The following SUPT3H variants were observed in gnomAD, a reference collection of about 807,000 sequenced individuals.
The protein encoded by SUPT3H is transcription initiation protein SPT3 homolog.
Under a neutral mutation model 44.3 loss-of-function variants are expected in SUPT3H, and 44 were observed. That is an observed-to-expected ratio of 0.99 (90% CI 0.78 to 1.28). The LOEUF is 1.28. Ranked by LOEUF, SUPT3H falls within the 50% of genes most tolerant of loss-of-function variation. The probability of loss-of-function intolerance (pLI) is 0.00; values close to 1 mark genes in which losing one functional copy is unlikely to be tolerated. For missense variants in SUPT3H, 380 were observed against 387.1 expected (o/e 0.98, Z 0.15); for synonymous variants, 124 against 125.6 (o/e 0.99, Z 0.09).
At chr6:44,885,974 A>G (rs1396185678) in intron 10 of SUPT3H, among the ~76,000 whole-genome samples, 2 of 152,254 alleles carry the variant, frequency 1.3e-5, no homozygotes, top group African/African-American at 4.8e-5. Flanking sequence ...AAAATGCACA[A>G]GCCTCAGGAG....
chr6:44,833,793 T>A (rs533036652), intron 10 of SUPT3H, among the ~76,000 whole-genome samples: 1 of 152,144 alleles, frequency 6.6e-6, no homozygotes, highest in Non-Finnish European at 1.5e-5. Flanking sequence ...CCTGCCCCAA[T>A]TCCACCCAGA....
chr6:45,101,280 C>G (rs186817225), intron 3 of SUPT3H, among the ~76,000 whole-genome samples: 139 of 152,316 alleles, frequency 9.1e-4, no homozygotes, highest in Non-Finnish European at 1.7e-3. Flanking sequence ...ACAAAATTAG[C>G]TGGTCATGGT....
At chr6:45,082,451 G>A (rs540152853) in intron 3 of SUPT3H, among the ~76,000 whole-genome samples, 33 of 152,014 alleles carry the variant, frequency 2.2e-4, no homozygotes, top group South Asian at 1.9e-3. Flanking sequence ...AACTGACCAC[G>A]ATCAATTAGG....
At chr6:45,247,160 G>T (rs759182069) in intron 2 of SUPT3H, among the ~76,000 whole-genome samples, 4 of 152,174 alleles carry the variant, frequency 2.6e-5, no homozygotes, top group Non-Finnish European at 5.9e-5. Context: ...CGAATTAAAA[G>T]AAATTGATGA....
intron 9 of SUPT3H, among the ~76,000 whole-genome samples, chr6:44,937,505 C>A (rs913602553): frequency 6.7e-6 from 1 of 149,742 alleles, no homozygotes; most frequent in Non-Finnish European, 1.5e-5. Context: ...AAAAAAAAAA[C>A]CGTACTGTTT....
chr6:44,864,493 A>G lies in SUPT3H; in HGVS notation c.913-34636T>C, dbSNP rs1269756526. Among the ~76,000 whole-genome samples the G allele has an allele frequency of 2.6e-5, 4 of 152,198 alleles. No homozygotes were observed. The East Asian group carries it at 7.7e-4, about 29-fold the overall frequency. On this transcript the variant is annotated intron_variant, in intron 10 of 10. Transcript: ENST00000371459. ...CCATGAGAGCCCCACCCCTGCAGCA[A>G]ACTTTTGCCTGGACATCCAGGTATT...
At chr6:45,063,819 A>T (rs1792686601) in intron 3 of SUPT3H, among the ~76,000 whole-genome samples, 1 of 142,930 alleles carries the variant, frequency 7.0e-6, no homozygotes, top group Non-Finnish European at 1.5e-5. Context: ...TGAAAAGACC[A>T]AATCTACGTC....
chr6:45,057,557 T>A (rs554012801), intron 3 of SUPT3H, among the ~76,000 whole-genome samples: 3 of 152,170 alleles, frequency 2.0e-5, no homozygotes, highest in Admixed American at 6.5e-5. Flanking sequence ...TAAACTAAGC[T>A]TTAGGCTTCT....
At chr6:45,051,369 T>C (rs1403089615) in intron 3 of SUPT3H, among the ~76,000 whole-genome samples, 1 of 152,052 alleles carries the variant, frequency 6.6e-6, no homozygotes. Flanking sequence ...AGCACAGCTA[T>C]AAGCTGAGAA....
intron 9 of SUPT3H, among the ~76,000 whole-genome samples, chr6:44,938,155 T>G (rs938807927): frequency 6.6e-6 from 1 of 151,960 alleles, no homozygotes; most frequent in Non-Finnish European, 1.5e-5. Flanking sequence ...CCTAGACCAA[T>G]GTCCAGAAGA....
chr6:44,901,028 C>T (rs1764937953), intron 10 of SUPT3H, among the ~76,000 whole-genome samples: 1 of 152,074 alleles, frequency 6.6e-6, no homozygotes, highest in Non-Finnish European at 1.5e-5. Flanking sequence ...CTATACGTGA[C>T]CATCATCAAA....
intron 2 of SUPT3H, among the ~76,000 whole-genome samples, chr6:45,147,526 T>G (rs1489880649): frequency 6.6e-6 from 1 of 151,922 alleles, no homozygotes; most frequent in East Asian, 1.9e-4. Context: ...TATTATACAG[T>G]GTAATTGTTG....
chr6:45,112,090 G>A (rs190659738), intron 2 of SUPT3H, among the ~76,000 whole-genome samples: 1 of 152,212 alleles, frequency 6.6e-6, no homozygotes, highest in East Asian at 1.9e-4. Context: ...GTAAAAGGAG[G>A]GGACTAGATT....
At chr6:45,272,720 G>A (rs1776397318) in intron 2 of SUPT3H, among the ~76,000 whole-genome samples, 1 of 152,052 alleles carries the variant, frequency 6.6e-6, no homozygotes, top group South Asian at 2.1e-4. Flanking sequence ...CGTCCTGGTG[G>A]AGAAGGATTC....
Position 45,277,204 on chromosome 6 carries a change from C to T in SUPT3H, c.101+87997G>A, listed in dbSNP as rs186822159. Reference sequence around the variant, plus strand: ...TTATTATTATTAGTTAAGATAAATTCTAATACTTCATAGAAATACTTTTCT... The same window carrying T: ...TTATTATTATTAGTTAAGATAAATTTTAATACTTCATAGAAATACTTTTCT... On this transcript the variant is annotated intron_variant, in intron 2 of 10. Transcript: ENST00000371459. Among the ~76,000 whole-genome samples, 428 of 152,186 alleles carry T rather than the reference C, an allele frequency of 2.8e-3. 3 individuals are homozygous for T. Among genetic ancestry groups the T allele is most frequent in the Middle Eastern group, 0.021 (6 of 290 alleles).
chr6:45,115,115 T>G (rs1409905647), intron 2 of SUPT3H, among the ~76,000 whole-genome samples: 1 of 152,154 alleles, frequency 6.6e-6, no homozygotes, highest in Non-Finnish European at 1.5e-5. Flanking sequence ...ATAGAGGACT[T>G]TTCTCACCTA....
At chr6:45,369,826 C>A (rs1795759091) in intron 1 of SUPT3H, among the ~76,000 whole-genome samples, 1 of 151,880 alleles carries the variant, frequency 6.6e-6, no homozygotes. Context: ...ACTATGAAAT[C>A]AAAAAAACAA....
chr6:44,870,543 G>A (rs190435648), intron 10 of SUPT3H, among the ~76,000 whole-genome samples: 1 of 149,558 alleles, frequency 6.7e-6, no homozygotes, highest in Non-Finnish European at 1.5e-5. Flanking sequence ...AGGCTGCAGC[G>A]AGCCGGGACT....
At chr6:45,373,449 T>C (rs189468898) in intron 1 of SUPT3H, among the ~76,000 whole-genome samples, 1 of 152,216 alleles carries the variant, frequency 6.6e-6, no homozygotes, top group Non-Finnish European at 1.5e-5. Context: ...CAAGAAAATG[T>C]TGGTTCTCCC....
Sources: allele counts gnomAD v4.1 joint callset (sites outside exome capture counted in the v4.1 genomes callset), GRCh38; gene constraint gnomAD v4.1.1; transcripts MANE v1.5; gene names NCBI Gene and HGNC (gene_info 2026-07-23, HGNC 2026-07-21).